The following SEMA6D variants were observed in gnomAD, a reference collection of about 807,000 sequenced individuals.
SEMA6D encodes the protein semaphorin 6D.
SEMA6D carries 35 observed loss-of-function variants against 106.6 expected under a neutral mutation model. The observed-to-expected ratio is 0.33, with a 90% CI of 0.25 to 0.44. The LOEUF (loss-of-function observed/expected upper bound fraction) is 0.44, where lower values mean the gene tolerates loss of function less well. Among genes scored for constraint, SEMA6D ranks in the 20% least tolerant of loss-of-function variants. SEMA6D has a pLI of 1.00. For missense variants in SEMA6D, 1,185 were observed against 1,345.9 expected (o/e 0.88, Z 1.87); for synonymous variants, 499 against 487.7 (o/e 1.02, Z -0.31).
chr15:47,741,141 T>TG (rs1229444201), intron 1 of SEMA6D, among the ~76,000 whole-genome samples: 1 of 152,242 alleles, frequency 6.6e-6, no homozygotes, highest in Non-Finnish European at 1.5e-5. Context: ...TTCTCCTCTC[T>TG]GTTCCTTTTC....
intron 3 of SEMA6D, among the ~76,000 whole-genome samples, chr15:47,577,131 A>G (rs1471855907): frequency 6.6e-6 from 1 of 152,244 alleles, no homozygotes; most frequent in Non-Finnish European, 1.5e-5. Context: ...GCATTTCACA[A>G]ATATATTTTC....
At chr15:47,422,133 A>AT (rs1348249294) in intron 2 of SEMA6D, among the ~76,000 whole-genome samples, 1 of 149,778 alleles carries the variant, frequency 6.7e-6, no homozygotes, top group African/African-American at 2.5e-5. Flanking sequence ...AGGTCAGGTG[A>AT]TTTAATTTAA....
chr15:47,311,691 A>G (rs76883537), intron 1 of SEMA6D, among the ~76,000 whole-genome samples: 2,260 of 151,848 alleles, frequency 0.015, 56 homozygotes, highest in African/African-American at 0.051. Flanking sequence ...AGCAGGAATG[A>G]AAAAAAAATC....
intron 4 of SEMA6D, among the ~76,000 whole-genome samples, chr15:47,710,551 C>T (rs550988333): frequency 1.9e-4 from 29 of 152,192 alleles, no homozygotes; most frequent in African/African-American, 6.7e-4. Flanking sequence ...ATTCATAACG[C>T]CTTAAACAGA....
chr15:47,586,656 G>T (rs12905006), intron 3 of SEMA6D, among the ~76,000 whole-genome samples: 2 of 151,912 alleles, frequency 1.3e-5, no homozygotes, highest in Non-Finnish European at 2.9e-5. Context: ...TTACAATGGA[G>T]TTCTATGAGT....
intron 4 of SEMA6D, among the ~76,000 whole-genome samples, chr15:47,605,760 T>C (rs1052122581): frequency 6.6e-6 from 1 of 152,214 alleles, no homozygotes; most frequent in South Asian, 2.1e-4. Context: ...AAGAGATTCA[T>C]AGAAGGTATG....
intron 1 of SEMA6D, among the ~76,000 whole-genome samples, chr15:47,750,064 C>G (rs934385234): frequency 6.6e-6 from 1 of 151,934 alleles, no homozygotes; most frequent in Non-Finnish European, 1.5e-5. Flanking sequence ...CTAGAGTGGG[C>G]TACAAATGTA....
intron 1 of SEMA6D, among the ~76,000 whole-genome samples, chr15:47,750,243 C>A (rs2081356907): frequency 6.6e-6 from 1 of 152,042 alleles, no homozygotes; most frequent in Non-Finnish European, 1.5e-5. Context: ...GGAGAAAGAG[C>A]CTGGAGCAGT....
intron 4 of SEMA6D, among the ~76,000 whole-genome samples, chr15:47,609,903 C>T (rs1170073612): frequency 6.6e-6 from 1 of 152,208 alleles, no homozygotes; most frequent in Non-Finnish European, 1.5e-5. Context: ...TTCAGCAGCC[C>T]TGCTGCCTTT....
intron 1 of SEMA6D, among the ~76,000 whole-genome samples, chr15:47,333,737 G>C (rs186983075): frequency 6.6e-6 from 1 of 152,276 alleles, no homozygotes; most frequent in East Asian, 1.9e-4. Context: ...ATTTTAACTG[G>C]GGGAAGGCAA....
At chr15:47,292,380 C>T (rs186834181) in intron 1 of SEMA6D, among the ~76,000 whole-genome samples, 35 of 152,142 alleles carry the variant, frequency 2.3e-4, no homozygotes, top group Middle Eastern at 3.4e-3. Flanking sequence ...CCTTATAAAA[C>T]GAAGACTTAA....
intron 2 of SEMA6D, among the ~76,000 whole-genome samples, chr15:47,441,228 A>G (rs1220565455): frequency 1.3e-5 from 2 of 152,104 alleles, no homozygotes; most frequent in Non-Finnish European, 2.9e-5. Flanking sequence ...CTGACCAAAC[A>G]TTTCTAATTC....
At chr15:47,381,282 G>A (rs1012321526) in intron 1 of SEMA6D, among the ~76,000 whole-genome samples, 1 of 152,164 alleles carries the variant, frequency 6.6e-6, no homozygotes, top group African/African-American at 2.4e-5. Context: ...TCCAATTAGA[G>A]GCATCATATT....
chr15:47,705,977 G>C (rs542064665), intron 4 of SEMA6D, among the ~76,000 whole-genome samples: 1 of 152,122 alleles, frequency 6.6e-6, no homozygotes, highest in African/African-American at 2.4e-5. Context: ...CCTCAGTTAC[G>C]GGGCACATGT....
chr15:47,697,546 T>C (rs546660136), intron 4 of SEMA6D, among the ~76,000 whole-genome samples: 1 of 152,216 alleles, frequency 6.6e-6, no homozygotes, highest in Non-Finnish European at 1.5e-5. Flanking sequence ...CATCCTATTT[T>C]TACTTCTAAA....
chr15:47,659,537 C>G (rs561325631), intron 4 of SEMA6D, among the ~76,000 whole-genome samples: 84 of 151,786 alleles, frequency 5.5e-4, no homozygotes, highest in African/African-American at 2.0e-3. Flanking sequence ...TATTTTTTGT[C>G]ATTTACAAAC....
chr15:47,556,585 T>C (rs1357464602), intron 3 of SEMA6D, among the ~76,000 whole-genome samples: 1 of 152,182 alleles, frequency 6.6e-6, no homozygotes, highest in Non-Finnish European at 1.5e-5. Context: ...TATTGTCCTG[T>C]TATTTTTGTT....
intron 4 of SEMA6D, among the ~76,000 whole-genome samples, chr15:47,604,856 T>C (rs2076742808): frequency 8.0e-6 from 1 of 124,462 alleles, no homozygotes; most frequent in Non-Finnish European, 1.7e-5. Flanking sequence ...ACCACCACCA[T>C]GCCTGGCTAA....
chr15:47,667,122 C>A (rs1234174607), intron 4 of SEMA6D, among the ~76,000 whole-genome samples: 1 of 152,228 alleles, frequency 6.6e-6, no homozygotes, highest in Non-Finnish European at 1.5e-5. Flanking sequence ...CCACAGAGCA[C>A]AACCAAGCCC....
Sources: allele counts gnomAD v4.1 joint callset (sites outside exome capture counted in the v4.1 genomes callset), GRCh38; gene constraint gnomAD v4.1.1; transcripts MANE v1.5; gene names NCBI Gene and HGNC (gene_info 2026-07-23, HGNC 2026-07-21).